Variants in TXNRD2 observed in about 807,000 individuals in gnomAD.
The protein encoded by TXNRD2 is thioredoxin reductase 2, mitochondrial.
A neutral mutation model predicts 70.8 loss-of-function variants in TXNRD2; 67 were observed. That is an observed-to-expected ratio of 0.95 (90% CI 0.78 to 1.16). The LOEUF is 1.16. Among genes scored for constraint, TXNRD2 ranks in the 50% most tolerant of loss-of-function variants. TXNRD2 has a pLI of 0.00. For missense variants in TXNRD2, 644 were observed against 719.9 expected, an observed-to-expected ratio of 0.89 and a Z score of 1.21; for synonymous variants, 301 against 295.8, an observed-to-expected ratio of 1.02 and a Z score of -0.18.
rs374364917 is a variant in TXNRD2, at chr22:19,895,535, C to T, written c.821G>A (p.Arg274Gln). 6.3e-5 allele frequency: 102 copies of T among 1,613,540 alleles called. No homozygotes were observed. The highest frequency in any genetic ancestry group is 2.5e-4 in the Admixed American group (15 of 60,032). The change falls in exon 11 of 18, where the codon CGG becomes CAG. Residue 274 changes from arginine (R) to glutamine (Q), a missense_variant. Arg to Gln is a conservative substitution (Grantham distance 43). This residue lies in a region of TXNRD2 where 566 missense variants were observed against 645.0 expected (regional missense o/e 0.88). Transcript: ENST00000400521. The part of the protein sequence containing the change: ...VIEHMASHGT[R>Q]FLRGCAPSRV... The stretch of plus-strand genomic sequence containing the variant: ...CGAGGGGGCACAGCCCCTCAGGAAC[C>T]GGGTGCCATGAGATGCCATGTGCTC...
rs149952544 is a variant in TXNRD2, at chr22:19,910,304, T to C, written c.662+1073A>G. Among the ~76,000 whole-genome samples the C allele has an allele frequency of 2.6e-5, 4 of 152,356 alleles. No homozygotes were observed. In the East Asian group the frequency reaches 7.7e-4, roughly 29 times the overall value. ...TAGCCTCCCTTCCACAATCAAGATGTTGTTTCTGAGGCCTTTGGAGTCTTT... is the reference window on the plus strand; with the variant it reads ...TAGCCTCCCTTCCACAATCAAGATGCTGTTTCTGAGGCCTTTGGAGTCTTT... On this transcript the variant is annotated intron_variant, in intron 8 of 17. Coordinates refer to ENST00000400521, the MANE Select transcript of TXNRD2 (RefSeq NM_006440.5).
rs1358720528 is a variant in TXNRD2, at chr22:19,908,187, C to T, written c.662+3190G>A. Among the ~76,000 whole-genome samples, 5 of 151,582 alleles carry T rather than the reference C, an allele frequency of 3.3e-5. No individual in the cohort carries two copies. In the East Asian group the frequency reaches 7.7e-4, roughly 23 times the overall value. On this transcript the variant is annotated intron_variant, in intron 8 of 17. Coordinates refer to ENST00000400521, the MANE Select transcript of TXNRD2 (RefSeq NM_006440.5). ...CGCCGTGGGTAGCAGTGACTGCTCT[C>T]AGGAGAGTGTGGGCGCCATGGGTAG... is the stretch of plus-strand genomic sequence containing the variant.
intron 2 of TXNRD2, among the ~76,000 whole-genome samples, chr22:19,919,944 C>T (rs1018185766): frequency 3.3e-5 from 5 of 152,224 alleles, no homozygotes; most frequent in African/African-American, 1.2e-4. Flanking sequence ...CCACCTGCCC[C>T]TGCATGTTCA....
intron 1 of TXNRD2, chr22:19,932,514 G>A: frequency 6.4e-7 from 1 of 1,566,368 alleles, no homozygotes; most frequent in Non-Finnish European, 8.7e-7. Flanking sequence ...GAGGGAGGAA[G>A]TAGAGAGGGG....
At chr22:19,883,180 G>T in intron 12 of TXNRD2, 145 bp downstream of exon 12, 1 of 1,038,254 alleles carries the variant, frequency 9.6e-7, no homozygotes, top group Non-Finnish European at 1.4e-6. Context: ...CTCCAGACAG[G>T]CTGGCCCTGG....
chr22:19,927,651 C>CAAAAAAAAAAAAAAAAAAAAAAAAAA (rs149665821), intron 2 of TXNRD2, among the ~76,000 whole-genome samples: 2 of 68,388 alleles, frequency 2.9e-5, no homozygotes, highest in African/African-American at 5.5e-5. Context: ...GACCTTGTCT[C>CAAAAAAAAAAAAAAAAAAAAAAAAAA]AAAAAAAAAA....
At chr22:19,897,988 G>C in intron 10 of TXNRD2, 51 bp downstream of exon 10, 1 of 1,478,480 alleles carries the variant, frequency 6.8e-7, no homozygotes, top group African/African-American at 1.4e-5. Flanking sequence ...GGGGGCTGTG[G>C]GAGGAAGGCC....
At position 19,896,430 on chromosome 22, in the gene TXNRD2, G is replaced by A. The variant is rs571557728; in HGVS notation, c.775-849C>T. Among the ~76,000 whole-genome samples, 4 of 152,294 alleles carry A rather than the reference G, an allele frequency of 2.6e-5. No homozygotes were observed. In the East Asian group the frequency reaches 7.7e-4, roughly 29 times the overall value. ...GGCAGAGAAGCGTGCCTTCCCCCAG[G>A]AGCTGTGCCCTGGTCCAACAAGATG... On this transcript the variant is annotated intron_variant, in intron 10 of 17. Coordinates refer to ENST00000400521, the MANE Select transcript of TXNRD2 (RefSeq NM_006440.5).
chr22:19,926,256 G>A (rs932271647), intron 2 of TXNRD2, among the ~76,000 whole-genome samples: 17 of 151,916 alleles, frequency 1.1e-4, no homozygotes, highest in African/African-American at 2.9e-4. Context: ...CTGGGAGGCC[G>A]AGGTGGGCGG....
intron 2 of TXNRD2, among the ~76,000 whole-genome samples, chr22:19,923,095 T>C (rs1307403489): frequency 1.3e-5 from 2 of 152,208 alleles, no homozygotes; most frequent in East Asian, 1.9e-4. Flanking sequence ...TGTCTGGGAA[T>C]GTATTGCCTT....
intron 4 of TXNRD2, 92 bp from the exon 5 acceptor site, chr22:19,918,309 A>G (rs1382574507): frequency 1.7e-6 from 2 of 1,165,194 alleles, no homozygotes; most frequent in African/African-American, 1.5e-5. Context: ...TGGTACATTC[A>G]TAGAAATATC....
intron 8 of TXNRD2, among the ~76,000 whole-genome samples, chr22:19,906,717 T>C (rs1300434517): frequency 6.6e-6 from 1 of 152,196 alleles, no homozygotes; most frequent in Non-Finnish European, 1.5e-5. Context: ...CATGAAATAC[T>C]ATCACCAAGT....
At chr22:19,937,374 G>T (rs73385636) in intron 1 of TXNRD2, among the ~76,000 whole-genome samples, 2,693 of 152,264 alleles carry the variant, frequency 0.018, 49 homozygotes, top group East Asian at 0.062. Context: ...GGGTCACAAT[G>T]AATTATATCT....
chr22:19,918,258 G>A (rs147737168), intron 4 of TXNRD2, 41 bp from the exon 5 acceptor site: 2 of 1,561,456 alleles, frequency 1.3e-6, no homozygotes, highest in South Asian at 1.1e-5. Context: ...CACAACACAG[G>A]TGTTAGCTGC....
intron 8 of TXNRD2, among the ~76,000 whole-genome samples, chr22:19,902,592 C>T (rs1431574995): frequency 2.0e-5 from 3 of 152,216 alleles, no homozygotes; most frequent in African/African-American, 4.8e-5. Context: ...CCTCCTTCCC[C>T]GGCTTGGCTG....
chr22:19,934,118 G>A (rs8140265), intron 1 of TXNRD2, among the ~76,000 whole-genome samples: 33,877 of 152,126 alleles, frequency 0.22, 4,180 homozygotes, highest in Middle Eastern at 0.34. Flanking sequence ...GGGCCCTCCT[G>A]TATGGCTGCT....
At chr22:19,917,822 A>G (rs193167317) in intron 5 of TXNRD2, among the ~76,000 whole-genome samples, 2 of 152,270 alleles carry the variant, frequency 1.3e-5, no homozygotes, top group East Asian at 3.9e-4. Context: ...AGGCCTAGCT[A>G]TGTCCACGCT....
At position 19,883,225 on chromosome 22, in the gene TXNRD2, G is replaced by A. The variant is rs1938861749; in HGVS notation, c.1086+100C>T. 2.1e-6 allele frequency: 3 copies of A among 1,452,658 alleles called. No individual in the cohort carries two copies. In the African/African-American group the frequency reaches 4.2e-5, roughly 20 times the overall value. 90.0% of individuals were successfully genotyped at this position (1,452,658 alleles called of 1,614,324 possible). On this transcript the variant is annotated intron_variant, in intron 12 of 17. Transcript: ENST00000400521. ...CAGAGCCTCTGTCATCAGAGAAAGT[G>A]TCGTTTCTCTCCTACAGGACGGCAG...
intron 2 of TXNRD2, among the ~76,000 whole-genome samples, chr22:19,924,750 T>C (rs1448137548): frequency 1.3e-5 from 2 of 152,156 alleles, no homozygotes; most frequent in African/African-American, 4.8e-5. Context: ...GAAATGTTTC[T>C]AATGAAAAGA....
Sources: allele counts gnomAD v4.1 joint callset (sites outside exome capture counted in the v4.1 genomes callset), GRCh38; gene constraint gnomAD v4.1.1; regional missense constraint gnomAD v4.1.1; transcripts MANE v1.5; gene names NCBI Gene and HGNC (gene_info 2026-07-23, HGNC 2026-07-21).